SCD5: variants seen among roughly 807,000 people sequenced by gnomAD.
SCD5 encodes the protein acyl-CoA-desaturase 4.
A neutral mutation model predicts 30.4 loss-of-function variants in SCD5; 20 were observed. The ratio of observed to expected loss-of-function variants is 0.66; its 90% CI spans 0.46 to 0.96. The LOEUF is 0.96. Among genes scored for constraint, SCD5 ranks in the 40% least tolerant of loss-of-function variants. The pLI, the probability that SCD5 is intolerant of heterozygous loss-of-function variation, is 0.00. For missense variants in SCD5, 381 were observed against 443.3 expected (o/e 0.86, Z 1.26); for synonymous variants, 173 against 176.4 (o/e 0.98, Z 0.16).
At chr4:82,762,542 C>T (rs1721399144) in intron 1 of SCD5, among the ~76,000 whole-genome samples, 1 of 152,178 alleles carries the variant, frequency 6.6e-6, no homozygotes, top group African/African-American at 2.4e-5. Context: ...TGCATCCAGC[C>T]TCTAGGGGCT....
chr4:82,695,520 A>C (rs1171728696), intron 2 of SCD5, among the ~76,000 whole-genome samples: 1 of 152,236 alleles, frequency 6.6e-6, no homozygotes, highest in East Asian at 1.9e-4. Flanking sequence ...GATGATACCC[A>C]GACTTCTGGT....
At chr4:82,727,746 G>A (rs949346604) in intron 1 of SCD5, among the ~76,000 whole-genome samples, 1 of 152,078 alleles carries the variant, frequency 6.6e-6, no homozygotes, top group African/African-American at 2.4e-5. Context: ...TCACTCTGTC[G>A]CCCAGACTGG....
intron 3 of SCD5, among the ~76,000 whole-genome samples, chr4:82,677,575 G>A (rs1466536850): frequency 6.6e-6 from 1 of 152,228 alleles, no homozygotes; most frequent in Middle Eastern, 3.2e-3. Flanking sequence ...TATCTGAACA[G>A]TTGACTGCCT....
At chr4:82,773,788 T>C (rs1447936323) in intron 1 of SCD5, among the ~76,000 whole-genome samples, 1 of 152,126 alleles carries the variant, frequency 6.6e-6, no homozygotes. Flanking sequence ...TTGAGAGCAC[T>C]GGTATAAAGC....
chr4:82,704,575 T>A (rs1719929285), intron 2 of SCD5, among the ~76,000 whole-genome samples: 1 of 152,218 alleles, frequency 6.6e-6, no homozygotes. Context: ...TTTTTATAGC[T>A]CCCTGCAGTT....
At chr4:82,634,491 C>CG (rs976615363) in intron 4 of SCD5, among the ~76,000 whole-genome samples, 13 of 128,572 alleles carry the variant, frequency 1.0e-4, no homozygotes, top group East Asian at 8.0e-4. Context: ...CACCTCCCCC[C>CG]CCCATCATTT....
chr4:82,784,530 T>C (rs1721945903), intron 1 of SCD5, among the ~76,000 whole-genome samples: 1 of 152,218 alleles, frequency 6.6e-6, no homozygotes, highest in Non-Finnish European at 1.5e-5. Flanking sequence ...ACAACAGCAA[T>C]TGTAAACCAG....
At chr4:82,766,833 A>G (rs535963508) in intron 1 of SCD5, among the ~76,000 whole-genome samples, 6 of 152,264 alleles carry the variant, frequency 3.9e-5, no homozygotes, top group Non-Finnish European at 7.4e-5. Flanking sequence ...ATGCGCCAGC[A>G]CACCCAGCTA....
chr4:82,781,471 A>T (rs1022063242), intron 1 of SCD5, among the ~76,000 whole-genome samples: 1 of 152,054 alleles, frequency 6.6e-6, no homozygotes. Context: ...CCTTTCCAAG[A>T]GAAGGGAGGG....
intron 1 of SCD5, among the ~76,000 whole-genome samples, chr4:82,795,776 C>T (rs964908896): frequency 6.5e-5 from 8 of 123,290 alleles, no homozygotes; most frequent in African/African-American, 2.4e-4. Context: ...GAGCTATGAT[C>T]GTGCCACTGC....
At chr4:82,782,872 C>T (rs1020480531) in intron 1 of SCD5, among the ~76,000 whole-genome samples, 1 of 152,202 alleles carries the variant, frequency 6.6e-6, no homozygotes, top group Non-Finnish European at 1.5e-5. Flanking sequence ...CCTAAGGAAT[C>T]TGGGCTGGAA....
At chr4:82,724,386 G>A (rs1720429579) in intron 1 of SCD5, among the ~76,000 whole-genome samples, 1 of 152,190 alleles carries the variant, frequency 6.6e-6, no homozygotes, top group Admixed American at 6.5e-5. Context: ...GGAGGCTGAG[G>A]CAGGAGGATT....
intron 1 of SCD5, among the ~76,000 whole-genome samples, chr4:82,797,141 T>C (rs1722242234): frequency 6.6e-6 from 1 of 152,150 alleles, no homozygotes; most frequent in South Asian, 2.1e-4. Context: ...CCCCATTATC[T>C]ACCTAGGCAT....
At chr4:82,766,011 G>C (rs1721477796) in intron 1 of SCD5, among the ~76,000 whole-genome samples, 1 of 151,978 alleles carries the variant, frequency 6.6e-6, no homozygotes, top group Admixed American at 6.6e-5. Flanking sequence ...TTTTCTCTCT[G>C]GCTAATTTAA....
At chr4:82,723,882 C>G (rs1720419975) in intron 1 of SCD5, among the ~76,000 whole-genome samples, 1 of 152,162 alleles carries the variant, frequency 6.6e-6, no homozygotes, top group Non-Finnish European at 1.5e-5. Flanking sequence ...CTGACTAGCT[C>G]CTAGCTCAAA....
At position 82,715,058 on chromosome 4, in the gene SCD5, G is replaced by A. The variant is rs375473782; in HGVS notation, c.233-9645C>T. 1.2e-3 allele frequency among the ~76,000 whole-genome samples: 180 copies of A among 151,368 alleles called. 3 individuals are homozygous for A. The East Asian group carries it at 0.033, about 28-fold the overall frequency. On this transcript the variant is annotated intron_variant, in intron 1 of 4. Coordinates refer to ENST00000319540, the MANE Select transcript of SCD5 (RefSeq NM_001037582.3). The stretch of plus-strand genomic sequence containing the variant: ...TCGAGACCAGCCTGGCCAACATGAT[G>A]AAACCCCGCCTCTACTAAAAATGCA...
chr4:82,757,399 G>T (rs1315599629), intron 1 of SCD5, among the ~76,000 whole-genome samples: 2 of 152,164 alleles, frequency 1.3e-5, no homozygotes, highest in African/African-American at 4.8e-5. Flanking sequence ...GACCCTGTGG[G>T]CCTTAAGGGT....
intron 3 of SCD5, among the ~76,000 whole-genome samples, chr4:82,672,625 T>A (rs1457514761): frequency 6.6e-6 from 1 of 152,114 alleles, no homozygotes; most frequent in Non-Finnish European, 1.5e-5. Flanking sequence ...TTCTCTATGA[T>A]AACTGGTATA....
At chr4:82,697,523 C>A (rs968243787) in intron 2 of SCD5, among the ~76,000 whole-genome samples, 2 of 152,096 alleles carry the variant, frequency 1.3e-5, no homozygotes, top group African/African-American at 4.8e-5. Context: ...CATTTTCATC[C>A]CCTTGAGGTT....
Sources: allele counts gnomAD v4.1 joint callset (sites outside exome capture counted in the v4.1 genomes callset), GRCh38; gene constraint gnomAD v4.1.1; transcripts MANE v1.5; gene names NCBI Gene and HGNC (gene_info 2026-07-23, HGNC 2026-07-21).